Variants in TMPRSS9 observed in about 807,000 individuals in gnomAD.
TMPRSS9 encodes the protein transmembrane serine protease 9.
In TMPRSS9, 113 loss-of-function variants were observed where a neutral mutation model predicts 111.4. That is an observed-to-expected ratio of 1.01 (90% CI 0.87 to 1.19). TMPRSS9 has a LOEUF of 1.19. Ranked by LOEUF, TMPRSS9 falls within the 50% of genes most tolerant of loss-of-function variation. The probability of loss-of-function intolerance (pLI) is 0.00; values close to 1 mark genes in which losing one functional copy is unlikely to be tolerated. For missense variants in TMPRSS9, 1,803 were observed against 1,513.1 expected, an observed-to-expected ratio of 1.19 and a Z score of -3.18; for synonymous variants, 805 against 659.1, an observed-to-expected ratio of 1.22 and a Z score of -3.39.
chr19:2,370,549 C>A (rs140794832), intron 1 of TMPRSS9, among the ~76,000 whole-genome samples: 4,933 of 151,980 alleles, frequency 0.032, 299 homozygotes, highest in African/African-American at 0.11. Context: ...AGGCTGGTCT[C>A]AACCCCTGGC....
chr19:2,361,013 G>A (rs1380244742), intron 1 of TMPRSS9, among the ~76,000 whole-genome samples: 1 of 149,752 alleles, frequency 6.7e-6, no homozygotes, highest in Non-Finnish European at 1.5e-5. Context: ...CCCCATCCCT[G>A]TTCCCACCCA....
At chr19:2,412,807 G>T (rs1246212612) in intron 9 of TMPRSS9, among the ~76,000 whole-genome samples, 2 of 152,158 alleles carry the variant, frequency 1.3e-5, no homozygotes, top group Non-Finnish European at 2.9e-5. Flanking sequence ...GTGAGGAAAA[G>T]ATGGGAGAGA....
rs762761358 is a variant in TMPRSS9, at chr19:2,368,774, G to GTT, written c.-26+8440_-26+8441dup. 1.1e-3 allele frequency among the ~76,000 whole-genome samples: 78 copies of GTT among 70,382 alleles called. 6 individuals carry two copies. The highest frequency in any genetic ancestry group is 1.8e-3 in the African/African-American group (29 of 16,558). 46.2% of individuals were successfully genotyped at this position (70,382 alleles called of 152,430 possible). A position where few individuals can be genotyped will look rare whatever the true frequency, so the allele number is the denominator to read the frequency against. On this transcript the variant is annotated intron_variant, in intron 1 of 17. Coordinates refer to the TMPRSS9 transcript ENST00000649857. Reference sequence around the variant, plus strand: ...TGCCAGGGCATCAAGGATAAACCCAGTTTTTTTTTTTTTTTTTTTTTTTTT... The same window carrying GTT: ...TGCCAGGGCATCAAGGATAAACCCAGTTTTTTTTTTTTTTTTTTTTTTTTTTT...
Position 2,416,550 on chromosome 19 carries a change from G to A in TMPRSS9, c.1758G>A (p.Glu586=), listed in dbSNP as rs765304695. 5.6e-6 allele frequency: 9 copies of A among 1,608,516 alleles called. No homozygotes were observed. Among genetic ancestry groups the A allele is most frequent in the Admixed American group, 1.7e-5 (1 of 59,918 alleles). The change falls in exon 12 of 18, where the codon GAG becomes GAA. Residue 586 remains glutamate, a synonymous_variant. Coordinates refer to ENST00000648592, the Ensembl canonical transcript of TMPRSS9. Reference sequence around the variant, plus strand: ...CCTGTCTCCATAGCACGAAGGTGGAGCAGGTTCGGGCCCACCTGGGCACTG... The same window carrying A: ...CCTGTCTCCATAGCACGAAGGTGGAACAGGTTCGGGCCCACCTGGGCACTG...
intron 13 of TMPRSS9, among the ~76,000 whole-genome samples, chr19:2,421,218 T>A (rs1447538993): frequency 2.0e-5 from 3 of 151,726 alleles, no homozygotes; most frequent in Non-Finnish European, 4.4e-5. Flanking sequence ...AGAAAAGAAA[T>A]AAGCTTGGCA....
At chr19:2,405,610 C>T (rs548037408) in intron 7 of TMPRSS9, 65 bp downstream of exon 8, 75 of 1,422,242 alleles carry the variant, frequency 5.3e-5, no homozygotes, top group Non-Finnish European at 6.1e-5. Context: ...CCCTCGTGCA[C>T]TGGGGACGTC....
intron 1 of TMPRSS9, among the ~76,000 whole-genome samples, chr19:2,366,661 T>C (rs1970249829): frequency 6.6e-6 from 1 of 151,298 alleles, no homozygotes; most frequent in Non-Finnish European, 1.5e-5. Flanking sequence ...ATCAAGACCA[T>C]CCTGGCTAAC....
chr19:2,421,726 C>A, intron 13 of TMPRSS9, 128 bp from the exon 15 acceptor site: 1 of 1,005,048 alleles, frequency 9.9e-7, no homozygotes, highest in Non-Finnish European at 1.4e-6. Context: ...GGTCTCCAGA[C>A]CCGCGCTGTG....
chr19:2,425,230 CTGCGTCATCACCGGCTGGGGCTCGG>C lies in TMPRSS9; in HGVS notation c.2951_2975del (p.Val984AlafsTer67). On this transcript the variant is annotated frameshift_variant, in exon 16 of 18. Transcript: ENST00000648592. LOFTEE classifies it high-confidence loss of function. ...CGCCGCGACCCCCGGACGGCACGCG[CTGCGTCATCACCGGCTGGGGCTCGG>C]TGCGCGAAGGAGGTAGGCGCGCCCG... 6.9e-7 allele frequency: 1 copy of C among 1,442,582 alleles called. No homozygotes were observed. The allele number at this position is 1,442,582 out of a possible 1,614,324, so 89.4% of individuals were successfully genotyped here.
At chr19:2,389,136 T>C (rs1385269833), upstream of TMPRSS9, among the ~76,000 whole-genome samples, 9 of 149,466 alleles carry the variant, frequency 6.0e-5, no homozygotes, top group East Asian at 2.0e-4. Context: ...TGCAGTGGCG[T>C]GATCTCAGCT....
chr19:2,400,909 G>C (rs1022611141), intron 4 of TMPRSS9, among the ~76,000 whole-genome samples: 2 of 147,364 alleles, frequency 1.4e-5, no homozygotes, highest in Non-Finnish European at 3.0e-5. Flanking sequence ...GGTGGAGGTG[G>C]AGGTTGCAGT....
intron 1 of TMPRSS9, among the ~76,000 whole-genome samples, chr19:2,394,117 C>T (rs561229764): frequency 2.6e-5 from 4 of 152,066 alleles, no homozygotes; most frequent in Non-Finnish European, 4.4e-5. Context: ...GCAAGGGAAT[C>T]GCTTGGACCC....
At chr19:2,389,967 G>C in intron 1 of TMPRSS9, 40 bp downstream of exon 2, 1 of 1,584,872 alleles carries the variant, frequency 6.3e-7, no homozygotes, top group African/African-American at 1.3e-5. Flanking sequence ...CAATACAAGG[G>C]ACATGTGCAA....
At chr19:2,360,797 GTTGTGTGGACGCAGCCGGGA>G (rs1425212831) in intron 1 of TMPRSS9, among the ~76,000 whole-genome samples, 1 of 151,750 alleles carries the variant, frequency 6.6e-6, no homozygotes, top group Non-Finnish European at 1.5e-5. Flanking sequence ...TGCACGTAGG[GTTGTGTGGACGCAGCCGGGA>G]TTGTGTGGAT....
exon 11 of TMPRSS9, chr19:2,415,706 G>T (rs148115861): frequency 6.2e-7 from 1 of 1,607,506 alleles, no homozygotes; most frequent in Non-Finnish European, 8.5e-7. Flanking sequence ...AAGCCCACCC[G>T]GGTCGTGGGC....
intron 1 of TMPRSS9, among the ~76,000 whole-genome samples, chr19:2,394,058 T>C (rs116448823): frequency 0.084 from 12,839 of 152,004 alleles, 914 homozygotes; most frequent in African/African-American, 0.2. Context: ...AAAACATTAG[T>C]TGGTCATGGT....
upstream of TMPRSS9, among the ~76,000 whole-genome samples, chr19:2,388,537 G>C (rs943704623): frequency 6.6e-6 from 1 of 152,192 alleles, no homozygotes; most frequent in African/African-American, 2.4e-5. Context: ...GAAGGGCCCA[G>C]GCCTGCCCAC....
chr19:2,382,324 G>A (rs547952978), intron 1 of TMPRSS9, among the ~76,000 whole-genome samples: 12 of 151,928 alleles, frequency 7.9e-5, no homozygotes, highest in Non-Finnish European at 1.8e-4. Flanking sequence ...TAGAGATGGG[G>A]TTTCGCCATG....
At chr19:2,425,090 T>C (rs1971578503) in exon 16 of TMPRSS9, 1 of 1,581,738 alleles carries the variant, frequency 6.3e-7, no homozygotes, top group East Asian at 2.3e-5. Context: ...GGCGCGCATC[T>C]ACAAGCACCC....
Sources: allele counts gnomAD v4.1 joint callset (sites outside exome capture counted in the v4.1 genomes callset), GRCh38; gene constraint gnomAD v4.1.1; transcripts MANE v1.5; gene names NCBI Gene and HGNC (gene_info 2026-07-23, HGNC 2026-07-21).